EPM2A: variants seen among roughly 807,000 people sequenced by gnomAD.
EPM2A encodes the protein EPM2A glucan phosphatase, laforin.
Under a neutral mutation model 26.5 loss-of-function variants are expected in EPM2A, and 21 were observed. The observed-to-expected ratio is 0.79, with a 90% CI of 0.56 to 1.14. EPM2A has a LOEUF of 1.14. Among genes scored for constraint, EPM2A ranks in the 50% most tolerant of loss-of-function variants. The probability of loss-of-function intolerance (pLI) is 0.00; values close to 1 mark genes in which losing one functional copy is unlikely to be tolerated. For missense variants in EPM2A, 458 were observed against 440.8 expected (o/e 1.04, Z -0.35); for synonymous variants, 217 against 177.6 (o/e 1.22, Z -1.76).
chr6:145,452,602 A>ACGGAGCTTGCAGGGAGG (rs1248045528), intron 4 of EPM2A, among the ~76,000 whole-genome samples: 3 of 149,246 alleles, frequency 2.0e-5, no homozygotes, highest in Middle Eastern at 3.6e-3. Context: ...AACCCAGGAG[A>ACGGAGCTTGCAGGGAGG]CGGAGCTTGC....
intron 4 of EPM2A, among the ~76,000 whole-genome samples, chr6:145,460,856 C>T (rs1779321251): frequency 6.6e-6 from 1 of 151,850 alleles, no homozygotes; most frequent in Admixed American, 6.6e-5. Context: ...CTTTAATTTT[C>T]AAGATTCAAA....
chr6:145,533,997 A>C (rs1780397703), intron 2 of EPM2A, among the ~76,000 whole-genome samples: 1 of 152,188 alleles, frequency 6.6e-6, no homozygotes. Flanking sequence ...TAGTTCTGAA[A>C]GCCTTTGTCA....
intron 2 of EPM2A, among the ~76,000 whole-genome samples, chr6:145,517,432 A>G (rs1240392539): frequency 1.3e-5 from 2 of 152,180 alleles, no homozygotes; most frequent in African/African-American, 2.4e-5. Flanking sequence ...GGCAATGAAT[A>G]CCTAAGGTAG....
chr6:145,724,751 C>A (rs535577756), intron 1 of EPM2A, among the ~76,000 whole-genome samples: 1 of 151,874 alleles, frequency 6.6e-6, no homozygotes, highest in Middle Eastern at 3.2e-3. Flanking sequence ...AAATAATGGA[C>A]AGTATTTTCA....
At chr6:145,403,965 G>A (rs1213089735) in intron 4 of EPM2A, among the ~76,000 whole-genome samples, 1 of 152,014 alleles carries the variant, frequency 6.6e-6, no homozygotes. Flanking sequence ...TCTTAACTGG[G>A]GTGAGACGAT....
At chr6:145,494,746 C>T (rs1779796167) in intron 4 of EPM2A, among the ~76,000 whole-genome samples, 1 of 152,174 alleles carries the variant, frequency 6.6e-6, no homozygotes. Flanking sequence ...TATTTATCCA[C>T]AGTCATCCAG....
At chr6:145,707,797 T>C (rs1340781688) in intron 1 of EPM2A, among the ~76,000 whole-genome samples, 1 of 152,156 alleles carries the variant, frequency 6.6e-6, no homozygotes, top group Non-Finnish European at 1.5e-5. Context: ...TATAGTAAAT[T>C]GGTATCAGTA....
intron 4 of EPM2A, among the ~76,000 whole-genome samples, chr6:145,411,995 G>A (rs1363008139): frequency 6.6e-6 from 1 of 151,946 alleles, no homozygotes; most frequent in Non-Finnish European, 1.5e-5. Context: ...CGAGGGAGAC[G>A]GATCACCAGG....
At chr6:145,509,328 A>G (rs966438042) in intron 2 of EPM2A, among the ~76,000 whole-genome samples, 1 of 152,186 alleles carries the variant, frequency 6.6e-6, no homozygotes, top group African/African-American at 2.4e-5. Flanking sequence ...AAAATCTTAA[A>G]GACAGATAAA....
In EPM2A at chr6:145,392,260, G is replaced by A. The variant is rs146107566; in HGVS notation, c.556-8163C>T. ...CTTTTGTAATTAATTGGTATTATGA[G>A]AACTCTAAACATGTTCTGGAGTCTC... On this transcript the variant is annotated intron_variant, in intron 4 of 4. Transcript: ENST00000638717. Among the ~76,000 whole-genome samples, 125 of 152,274 alleles carry A rather than the reference G, an allele frequency of 8.2e-4. 1 individual carries two copies. The highest frequency in any genetic ancestry group is 2.8e-3 in the African/African-American group (117 of 41,556).
chr6:145,680,329 G>T (rs1434186160), intron 2 of EPM2A, among the ~76,000 whole-genome samples: 2 of 121,108 alleles, frequency 1.7e-5, no homozygotes, highest in African/African-American at 5.8e-5. Context: ...CATGGAATGG[G>T]TGCTAATTTC....
At chr6:145,547,781 A>G (rs971792611) in intron 2 of EPM2A, among the ~76,000 whole-genome samples, 3 of 152,152 alleles carry the variant, frequency 2.0e-5, no homozygotes, top group Admixed American at 6.6e-5. Flanking sequence ...TTACACAACA[A>G]GAGGACTCAG....
intron 4 of EPM2A, chr6:145,490,373 C>T: frequency 9.2e-7 from 1 of 1,090,692 alleles, no homozygotes; most frequent in Admixed American, 2.0e-5. Flanking sequence ...GCCTCTATTC[C>T]AGTTTGGCAT....
chr6:145,492,366 C>T (rs541626972), intron 4 of EPM2A, among the ~76,000 whole-genome samples: 8 of 152,248 alleles, frequency 5.3e-5, no homozygotes, highest in African/African-American at 1.2e-4. Context: ...TCTAGGGTGG[C>T]GTACCTGCCA....
At chr6:145,633,316 T>A (rs897465226) in intron 3 of EPM2A, among the ~76,000 whole-genome samples, 1 of 152,152 alleles carries the variant, frequency 6.6e-6, no homozygotes, top group African/African-American at 2.4e-5. Context: ...GTCCTTCAAA[T>A]CCTAACTATC....
chr6:145,622,483 A>G (rs1441836177), downstream of EPM2A, among the ~76,000 whole-genome samples: 1 of 152,216 alleles, frequency 6.6e-6, no homozygotes, highest in Non-Finnish European at 1.5e-5. Flanking sequence ...CTTATTCAGA[A>G]ATCAGGTGAT....
intron 4 of EPM2A, among the ~76,000 whole-genome samples, chr6:145,438,676 G>T (rs923224951): frequency 6.6e-6 from 1 of 151,976 alleles, no homozygotes. Context: ...GTTTCACCAT[G>T]TTGGTCAGGC....
chr6:145,431,292 G>A (rs1248715270), intron 4 of EPM2A, among the ~76,000 whole-genome samples: 2 of 152,176 alleles, frequency 1.3e-5, no homozygotes, highest in Non-Finnish European at 2.9e-5. Flanking sequence ...TTACCATCAA[G>A]AAAGGAGGAT....
intron 2 of EPM2A, among the ~76,000 whole-genome samples, chr6:145,613,660 T>C (rs2128552534): frequency 6.6e-6 from 1 of 152,302 alleles, no homozygotes; most frequent in South Asian, 2.1e-4. Context: ...CCTAGACATA[T>C]TTATCAAAAC....
Sources: allele counts gnomAD v4.1 joint callset (sites outside exome capture counted in the v4.1 genomes callset), GRCh38; gene constraint gnomAD v4.1.1; transcripts MANE v1.5; gene names NCBI Gene and HGNC (gene_info 2026-07-23, HGNC 2026-07-21).